The following TMEM177 variants were observed in gnomAD, a reference collection of about 807,000 sequenced individuals.
TMEM177 encodes the protein transmembrane protein 177.
A neutral mutation model predicts 14.2 loss-of-function variants in TMEM177; 4 were observed. The ratio of observed to expected loss-of-function variants is 0.28; its 90% CI spans 0.14 to 0.64. The LOEUF (loss-of-function observed/expected upper bound fraction) is 0.64. Ranked by LOEUF, TMEM177 falls within the 30% of genes least tolerant of loss-of-function variation. TMEM177 has a pLI of 0.82. For missense variants in TMEM177, 344 were observed against 405.2 expected (o/e 0.85, Z 1.30); for synonymous variants, 179 against 174.5 (o/e 1.03, Z -0.20).
chr2:119,722,068 A>T, the TMEM177 span, among the ~76,000 whole-genome samples: 1 of 152,166 alleles, frequency 6.6e-6, no homozygotes, highest in African/African-American at 2.4e-5. Context: ...TAATTAAACA[A>T]AGCTGACGTT....
the TMEM177 span, among the ~76,000 whole-genome samples, chr2:119,708,814 C>G: frequency 1.3e-5 from 2 of 151,612 alleles, no homozygotes; most frequent in Non-Finnish European, 2.9e-5. Flanking sequence ...TCTCTGGACC[C>G]CTAGAGACTC....
the TMEM177 span, among the ~76,000 whole-genome samples, chr2:119,702,870 T>C: frequency 6.6e-6 from 1 of 152,230 alleles, no homozygotes; most frequent in Non-Finnish European, 1.5e-5. Context: ...CCCAGGGATG[T>C]CATCCCTTGG....
the TMEM177 span, among the ~76,000 whole-genome samples, chr2:119,709,978 G>A: frequency 2.8e-4 from 43 of 152,222 alleles, no homozygotes; most frequent in South Asian, 1.0e-3. Context: ...GGTGGCCGCC[G>A]GGGACTGGGG....
the TMEM177 span, among the ~76,000 whole-genome samples, chr2:119,714,680 A>T: frequency 1.3e-5 from 2 of 152,216 alleles, no homozygotes; most frequent in Admixed American, 1.3e-4. Context: ...AGGGTGAGGC[A>T]GGCAGAGTTG....
the TMEM177 span, among the ~76,000 whole-genome samples, chr2:119,693,666 T>C: frequency 6.6e-6 from 1 of 152,208 alleles, no homozygotes; most frequent in African/African-American, 2.4e-5. Context: ...TCTAAATACC[T>C]GGGGGCAGAG....
At chr2:119,692,478 C>T in the TMEM177 span, among the ~76,000 whole-genome samples, 1 of 152,260 alleles carries the variant, frequency 6.6e-6, no homozygotes, top group Admixed American at 6.5e-5. Context: ...CCACCAACCC[C>T]TGACGAGGTC....
At chr2:119,679,901 G>A (rs1398803526) in intron 1 of TMEM177, among the ~76,000 whole-genome samples, 1 of 152,204 alleles carries the variant, frequency 6.6e-6, no homozygotes. Context: ...GAGCTGCCAT[G>A]CCGAAGTACC....
At chr2:119,687,561 C>A (rs539476497), downstream of TMEM177, among the ~76,000 whole-genome samples, 2 of 152,236 alleles carry the variant, frequency 1.3e-5, no homozygotes, top group African/African-American at 4.8e-5. Context: ...AGAACTCACT[C>A]GCTATCATGA....
chr2:119,711,318 G>A, the TMEM177 span, among the ~76,000 whole-genome samples: 1 of 152,146 alleles, frequency 6.6e-6, no homozygotes, highest in Non-Finnish European at 1.5e-5. Flanking sequence ...ATCATTTCAT[G>A]TTTGTGCCCC....
chr2:119,700,423 C>A, the TMEM177 span, among the ~76,000 whole-genome samples: 1 of 152,160 alleles, frequency 6.6e-6, no homozygotes, highest in African/African-American at 2.4e-5. Context: ...ACGGTCAACT[C>A]GAGCTTGTCC....
intron 1 of TMEM177, among the ~76,000 whole-genome samples, chr2:119,680,257 G>A (rs1207232894): frequency 6.6e-6 from 1 of 152,200 alleles, no homozygotes; most frequent in Non-Finnish European, 1.5e-5. Flanking sequence ...GAGACACAGT[G>A]CAGCCCATAA....
the TMEM177 span, among the ~76,000 whole-genome samples, chr2:119,713,474 A>G: frequency 6.6e-6 from 1 of 152,166 alleles, no homozygotes; most frequent in Non-Finnish European, 1.5e-5. Flanking sequence ...CATTGTATGC[A>G]TTGTATCGTA....
chr2:119,703,066 A>C, the TMEM177 span, among the ~76,000 whole-genome samples: 1 of 152,222 alleles, frequency 6.6e-6, no homozygotes, highest in African/African-American at 2.4e-5. Flanking sequence ...GCTCAGCAGG[A>C]GCCCCCGGGA....
downstream of TMEM177, among the ~76,000 whole-genome samples, chr2:119,684,725 C>A (rs777973858): frequency 1.5e-4 from 23 of 152,188 alleles, no homozygotes; most frequent in Non-Finnish European, 2.9e-4. Context: ...TTGGGACTTG[C>A]CAAGGACAGA....
the TMEM177 span, among the ~76,000 whole-genome samples, chr2:119,691,551 T>A: frequency 2.0e-5 from 3 of 152,180 alleles, no homozygotes; most frequent in African/African-American, 7.2e-5. Flanking sequence ...TTATTGATGT[T>A]GCTGACGCCC....
downstream of TMEM177, among the ~76,000 whole-genome samples, chr2:119,688,809 G>T (rs1393072555): frequency 1.3e-5 from 2 of 152,128 alleles, no homozygotes; most frequent in African/African-American, 4.8e-5. Context: ...CGGTTACTGT[G>T]GTGCCCATGA....
the TMEM177 span, among the ~76,000 whole-genome samples, chr2:119,715,240 TAGAC>T: frequency 6.6e-6 from 1 of 151,978 alleles, no homozygotes; most frequent in African/African-American, 2.4e-5. Flanking sequence ...AAATAAAAAT[TAGAC>T]AGGCATGGTG....
chr2:119,697,649 A>G, the TMEM177 span, among the ~76,000 whole-genome samples: 3 of 152,050 alleles, frequency 2.0e-5, no homozygotes, highest in South Asian at 6.2e-4. Context: ...TTCCCAGAAA[A>G]CTACTCGATT....
At chr2:119,717,325 A>G in the TMEM177 span, among the ~76,000 whole-genome samples, 1 of 151,294 alleles carries the variant, frequency 6.6e-6, no homozygotes, top group Non-Finnish European at 1.5e-5. Context: ...GTATGACTCC[A>G]TCTGGAAAAA....
Sources: gnomAD v4.1 joint callset for allele counts (sites outside exome capture counted in the v4.1 genomes callset) on GRCh38, gnomAD v4.1.1 for gene constraint, MANE v1.5 for transcripts, NCBI Gene and HGNC (gene_info 2026-07-23, HGNC 2026-07-21) for gene names.